DNAH7: variants seen among roughly 807,000 people sequenced by gnomAD.
DNAH7 encodes the protein dynein axonemal heavy chain 7.
A neutral mutation model predicts 444.6 loss-of-function variants in DNAH7; 397 were observed. That is an observed-to-expected ratio of 0.89 (90% CI 0.82 to 0.97). DNAH7 has a LOEUF of 0.97. Ranked by LOEUF, DNAH7 falls within the 50% of genes least tolerant of loss-of-function variation. DNAH7 has a pLI of 0.00. For synonymous variants in DNAH7, 1,636 were observed against 1,624.4 expected (o/e 1.01, Z -0.17); for missense variants, 4,902 against 4,800.8 (o/e 1.02, Z -0.62).
intron 63 of DNAH7, among the ~76,000 whole-genome samples, chr2:195,745,125 T>C (rs2105886835): frequency 6.6e-6 from 1 of 152,266 alleles, no homozygotes; most frequent in African/African-American, 2.4e-5. Context: ...TAGACGAATG[T>C]GTAACTAGAA....
chr2:195,850,721 T>C (rs1474546539), intron 46 of DNAH7, among the ~76,000 whole-genome samples: 1 of 152,160 alleles, frequency 6.6e-6, no homozygotes, highest in African/African-American at 2.4e-5. Context: ...GTAAGGTCTC[T>C]TAGTTTGGGT....
intron 17 of DNAH7, among the ~76,000 whole-genome samples, chr2:195,965,805 T>C (rs1691433717): frequency 6.6e-6 from 1 of 152,178 alleles, no homozygotes. Flanking sequence ...CAGAATTAGT[T>C]GTAATGTCTC....
intron 48 of DNAH7, among the ~76,000 whole-genome samples, chr2:195,827,325 G>A (rs904264389): frequency 1.3e-5 from 2 of 151,942 alleles, no homozygotes; most frequent in African/African-American, 4.8e-5. Context: ...GCCCAGGCTG[G>A]AGTGCAGTGT....
At chr2:195,796,545 C>T (rs748489103) in intron 56 of DNAH7, 31 bp downstream of exon 56, 2 of 1,609,832 alleles carry the variant, frequency 1.2e-6, no homozygotes, top group South Asian at 2.2e-5. Flanking sequence ...CCAGGGAATG[C>T]AATCTAATAA....
intron 15 of DNAH7, among the ~76,000 whole-genome samples, chr2:195,972,779 C>T (rs1691933790): frequency 6.6e-6 from 1 of 152,144 alleles, no homozygotes; most frequent in Admixed American, 6.5e-5. Context: ...TTCAGAGTAA[C>T]ATTTTATGGG....
intron 42 of DNAH7, among the ~76,000 whole-genome samples, 178 bp downstream of exon 42, chr2:195,861,539 G>C (rs1338136817): frequency 6.6e-6 from 1 of 152,154 alleles, no homozygotes; most frequent in Non-Finnish European, 1.5e-5. Flanking sequence ...GCCCATATGA[G>C]AAGGATAAGA....
Position 195,809,551 on chromosome 2 carries a change from G to A in DNAH7, c.9888+194C>T, listed in dbSNP as rs541783548. Reference sequence around the variant, plus strand: ...AAACATAATTTAATAGTAACATAATGAAATCTGTGCTTAATTTATATCTCA... The same window carrying A: ...AAACATAATTTAATAGTAACATAATAAAATCTGTGCTTAATTTATATCTCA... On this transcript the variant is annotated intron_variant, in intron 52 of 64. Transcript: ENST00000312428. Among the ~76,000 whole-genome samples, 479 of 152,166 alleles carry A rather than the reference G, an allele frequency of 3.1e-3. 1 individual carries two copies. The highest frequency in any genetic ancestry group is 5.3e-3 in the Admixed American group (81 of 15,268).
At chr2:196,067,526 T>G (rs1306331690) in intron 1 of DNAH7, among the ~76,000 whole-genome samples, 2 of 152,218 alleles carry the variant, frequency 1.3e-5, no homozygotes, top group Non-Finnish European at 2.9e-5. Context: ...TACTTTAGCA[T>G]ATGAATCAGT....
intron 19 of DNAH7, among the ~76,000 whole-genome samples, chr2:195,948,078 C>T (rs1689942640): frequency 6.6e-6 from 1 of 152,084 alleles, no homozygotes; most frequent in African/African-American, 2.4e-5. Context: ...GTTTGTTGGC[C>T]ACATAAATGT....
chr2:195,937,200 T>G (rs1689115234), intron 19 of DNAH7, among the ~76,000 whole-genome samples: 1 of 152,204 alleles, frequency 6.6e-6, no homozygotes, highest in Non-Finnish European at 1.5e-5. Flanking sequence ...ATTTTATTGT[T>G]ATGAATAATA....
intron 54 of DNAH7, among the ~76,000 whole-genome samples, chr2:195,800,978 C>A (rs1696420585): frequency 6.6e-6 from 1 of 152,144 alleles, no homozygotes; most frequent in African/African-American, 2.4e-5. Flanking sequence ...TACTTCTGTG[C>A]TGACAAAACA....
In DNAH7 at chr2:195,999,920, T is replaced by C. The variant is rs1489848694; in HGVS notation, c.1353+784A>G. Reference sequence around the variant, plus strand: ...AAGTAGTAAGCCTATTTTTCAAAATTAAGAACAAAAGCTCAAAACTTCAAG... The same window carrying C: ...AAGTAGTAAGCCTATTTTTCAAAATCAAGAACAAAAGCTCAAAACTTCAAG... On this transcript the variant is annotated intron_variant, in intron 12 of 64. Transcript: ENST00000312428. Among the ~76,000 whole-genome samples the C allele has an allele frequency of 2.0e-5, 3 of 152,110 alleles. No homozygotes were observed. In the East Asian group the frequency reaches 5.8e-4, roughly 29 times the overall value.
intron 63 of DNAH7, among the ~76,000 whole-genome samples, chr2:195,747,849 G>C (rs1226328343): frequency 3.3e-5 from 5 of 152,098 alleles, no homozygotes; most frequent in Non-Finnish European, 7.4e-5. Flanking sequence ...AATAATAAGA[G>C]CTATCTATGA....
chr2:195,857,086 T>A lies in DNAH7; in HGVS notation c.8414+291A>T, dbSNP rs534482933. On this transcript the variant is annotated intron_variant, in intron 44 of 64. Coordinates refer to ENST00000312428, the MANE Select transcript of DNAH7 (RefSeq NM_018897.3). ...TTTAAGATGAATTAATAAACATTTT[T>A]AAAATTTTTCCATTTTAATTTCTAA... Among the ~76,000 whole-genome samples, 215 of 152,346 alleles carry A rather than the reference T, an allele frequency of 1.4e-3. 1 individual carries two copies. The highest frequency in any genetic ancestry group is 5.1e-3 in the African/African-American group (211 of 41,598).
intron 12 of DNAH7, among the ~76,000 whole-genome samples, chr2:195,991,207 G>A (rs910999036): frequency 6.6e-5 from 10 of 151,922 alleles, no homozygotes; most frequent in African/African-American, 2.4e-4. Context: ...CTGACTCATA[G>A]TTTGCCTACT....
intron 46 of DNAH7, among the ~76,000 whole-genome samples, chr2:195,845,484 T>C (rs545518560): frequency 6.6e-6 from 1 of 152,164 alleles, no homozygotes; most frequent in Admixed American, 6.5e-5. Flanking sequence ...AAACTACCAA[T>C]GACATTTTTC....
chr2:195,762,106 G>A (rs1390079530), intron 61 of DNAH7, among the ~76,000 whole-genome samples: 5 of 151,988 alleles, frequency 3.3e-5, no homozygotes, highest in Non-Finnish European at 5.9e-5. Flanking sequence ...TGAAGGTAAA[G>A]TGTAGAGTTT....
intron 47 of DNAH7, among the ~76,000 whole-genome samples, chr2:195,840,668 A>G (rs1475376844): frequency 1.3e-5 from 2 of 151,840 alleles, no homozygotes; most frequent in Non-Finnish European, 3.0e-5. Flanking sequence ...CAGGGTAAAA[A>G]GTCAATATTC....
At chr2:195,831,587 C>T (rs1234767446) in intron 48 of DNAH7, among the ~76,000 whole-genome samples, 1 of 152,214 alleles carries the variant, frequency 6.6e-6, no homozygotes, top group Non-Finnish European at 1.5e-5. Context: ...ATCTATCTCT[C>T]CTTCCATTAA....
Sources: gnomAD v4.1 joint callset for allele counts (sites outside exome capture counted in the v4.1 genomes callset) on GRCh38, gnomAD v4.1.1 for gene constraint, MANE v1.5 for transcripts, NCBI Gene and HGNC (gene_info 2026-07-23, HGNC 2026-07-21) for gene names.